Variants in CAPN1 observed in about 807,000 individuals in gnomAD.
CAPN1 encodes the protein calpain-1 catalytic subunit.
In CAPN1, 77 loss-of-function variants were observed where a neutral mutation model predicts 105.2. The observed-to-expected ratio is 0.73, with a 90% confidence interval of 0.61 to 0.88. The LOEUF is 0.88. CAPN1 is among the 40% of genes least tolerant of loss of function. CAPN1 has a pLI of 0.00. For missense variants in CAPN1, 833 were observed against 976.6 expected (o/e 0.85, Z 1.96); for synonymous variants, 355 against 388.8 (o/e 0.91, Z 1.02).
intron 10 of CAPN1, among the ~76,000 whole-genome samples, chr11:65,202,099 A>G (rs2137372792): frequency 6.6e-6 from 1 of 152,302 alleles, no homozygotes; most frequent in East Asian, 1.9e-4. Context: ...TGCTGGGATT[A>G]CAGGCGTGAG....
chr11:65,194,557 G>A (rs1195035499), intron 10 of CAPN1, among the ~76,000 whole-genome samples: 1 of 151,164 alleles, frequency 6.6e-6, no homozygotes, highest in Non-Finnish European at 1.5e-5. Flanking sequence ...CCCCCACCCC[G>A]AAAATCCCGT....
intron 10 of CAPN1, among the ~76,000 whole-genome samples, chr11:65,204,080 C>A (rs185590528): frequency 1.0e-3 from 153 of 152,312 alleles, no homozygotes; most frequent in African/African-American, 3.1e-3. Context: ...TGTCGGACCC[C>A]TGCTTTTTCT....
At position 65,188,837 on chromosome 11, in the gene CAPN1, G is replaced by A; in HGVS notation, c.1165+91G>A. 1 of 1,054,334 alleles carries A rather than the reference G, an allele frequency of 9.5e-7. No homozygotes were observed. The highest frequency in any genetic ancestry group is 1.4e-6 in the Non-Finnish European group (1 of 724,732). 65.3% of individuals were successfully genotyped at this position (1,054,334 alleles called of 1,614,324 possible). ...TTACTGAGCCTCCGTTTCCTCACTT[G>A]CAAGATATAGGCTGATCTCTTGAAT... is the stretch of plus-strand genomic sequence containing the variant. On this transcript the variant is annotated intron_variant, in intron 10 of 21. Transcript: ENST00000279247. The surrounding 1 kb of genome is among the most constrained non-coding windows in gnomAD (Gnocchi z 5.5).
chr11:65,206,533 A>T lies in CAPN1; in HGVS notation c.1424A>T (p.Glu475Val). The change falls in exon 13 of 22, where the codon GAG becomes GTG. Residue 475 changes from glutamate (E) to valine (V), a missense_variant. By Grantham distance (121) the Glu-to-Val change is moderately radical. Transcript: ENST00000279247. ...FLANASRARS[E>V]QFINLREVST... Reference sequence around the variant, plus strand: ...GCCAATGCGTCTCGGGCGCGCTCAGAGCAGTTCATCAACCTGCGAGAGGTC... The same window carrying T: ...GCCAATGCGTCTCGGGCGCGCTCAGTGCAGTTCATCAACCTGCGAGAGGTC... The T allele has an allele frequency of 1.2e-6, 2 of 1,613,414 alleles. No individual in the cohort carries two copies. Among genetic ancestry groups the T allele is most frequent in the African/African-American group, 1.3e-5 (1 of 75,030 alleles).
chr11:65,197,888 G>GAAAAAAAAAAA (rs71049687), intron 10 of CAPN1, among the ~76,000 whole-genome samples: 1 of 83,490 alleles, frequency 1.2e-5, no homozygotes. Flanking sequence ...AACTCTATCT[G>GAAAAAAAAAAA]AAAAAAAAAA....
At chr11:65,184,104 A>G (rs993732040) in intron 4 of CAPN1, among the ~76,000 whole-genome samples, 1 of 152,220 alleles carries the variant, frequency 6.6e-6, no homozygotes, top group Admixed American at 6.5e-5. Flanking sequence ...ACACCAATCA[A>G]TTCTCAATGA....
In CAPN1 at chr11:65,210,284, C is replaced by A; in HGVS notation, c.1943-52C>A. The A allele has an allele frequency of 7.4e-7, 1 of 1,360,380 alleles. No homozygotes were observed. Among genetic ancestry groups the A allele is most frequent in the South Asian group, 1.2e-5 (1 of 83,158 alleles). 84.3% of individuals were successfully genotyped at this position (1,360,380 alleles called of 1,614,324 possible). ...CTGGGGACCCAACCCCTCCCCCATC[C>A]TGTTGGGCAGGGGCTGCGCCTCACT... On this transcript the variant is annotated intron_variant, in intron 19 of 21. Coordinates refer to ENST00000279247, the MANE Select transcript of CAPN1 (RefSeq NM_005186.4). The surrounding 1 kb of genome is among the most constrained non-coding windows in gnomAD (Gnocchi z 4.3).
intron 10 of CAPN1, among the ~76,000 whole-genome samples, chr11:65,201,090 G>A (rs1373435642): frequency 1.3e-5 from 2 of 150,926 alleles, no homozygotes; most frequent in African/African-American, 4.9e-5. Context: ...GACTACAGGT[G>A]CCCACCACCA....
chr11:65,201,809 C>T (rs1251975781), intron 10 of CAPN1, among the ~76,000 whole-genome samples: 7 of 149,890 alleles, frequency 4.7e-5, no homozygotes, highest in African/African-American at 1.7e-4. Flanking sequence ...TGAGCCACCG[C>T]GCCCGGCTTT....
Position 65,206,463 on chromosome 11 carries a change from C to T in CAPN1, c.1354C>T (p.Leu452=), listed in dbSNP as rs763288146. 5 of 1,612,426 alleles carry T rather than the reference C, an allele frequency of 3.1e-6. No homozygotes were observed. The African/African-American group carries it at 5.3e-5, about 17-fold the overall frequency. The change falls in exon 13 of 22, where the codon CTG becomes TTG. Residue 452 remains leucine (L), a splice_region_variant and synonymous_variant. Transcript: ENST00000279247. ...CCTGCTCCCTCCTCCCTCCCACCAG[C>T]TGGTGGGCCAGCCGGCCGTACACTT... ...GFAVYEVPPE[L]VGQPAVHLKR...
At chr11:65,205,265 C>T (rs894560109) in intron 11 of CAPN1, among the ~76,000 whole-genome samples, 1 of 152,150 alleles carries the variant, frequency 6.6e-6, no homozygotes, top group African/African-American at 2.4e-5. Context: ...CTGTGCCAGT[C>T]GCTCTGGGAT....
chr11:65,210,205 C>CATCTT lies in CAPN1; in HGVS notation c.1942+110_1942+114dup, dbSNP rs1297842951. 8.6e-7 allele frequency: 1 copy of CATCTT among 1,158,846 alleles called. No homozygotes were observed. The highest frequency in any genetic ancestry group is 1.8e-5 in the Admixed American group (1 of 55,282). 71.8% of individuals were successfully genotyped at this position (1,158,846 alleles called of 1,614,324 possible). A position where few individuals can be genotyped will look rare whatever the true frequency, so the allele number is the denominator to read the frequency against. ...GTGCTAGTGGTGACATGGTAACAGC[C>CATCTT]ATCTTGTCCTTTTCCCCACGGTTAC... On this transcript the variant is annotated intron_variant, in intron 19 of 21. Transcript: ENST00000279247. This position sits in a 1 kb window ranked among gnomAD's most constrained non-coding sequence, Gnocchi z 4.3.
At chr11:65,203,213 T>C (rs1948898265) in intron 10 of CAPN1, among the ~76,000 whole-genome samples, 1 of 152,076 alleles carries the variant, frequency 6.6e-6, no homozygotes, top group Non-Finnish European at 1.5e-5. Context: ...TTTTTTTAAA[T>C]GGAATCTTGC....
intron 11 of CAPN1, among the ~76,000 whole-genome samples, chr11:65,205,182 G>C (rs976118869): frequency 2.0e-5 from 3 of 152,080 alleles, no homozygotes; most frequent in African/African-American, 7.2e-5. Flanking sequence ...TGAGCCCTCC[G>C]TCTTGGAAGC....
intron 14 of CAPN1, 69 bp from the exon 15 acceptor site, chr11:65,207,986 C>A: frequency 1.7e-6 from 2 of 1,191,910 alleles, no homozygotes; most frequent in Non-Finnish European, 2.4e-6. Context: ...CCTCAGCCCT[C>A]CCTCCAGCTG....
Position 65,190,707 on chromosome 11 carries a change from T to TTG in CAPN1, c.1165+1962_1165+1963insGT, listed in dbSNP as rs1435684824. On this transcript the variant is annotated intron_variant, in intron 10 of 21. Transcript: ENST00000279247. ...TAGCTGTTTTTTTTGTTGTTGGTTT[T>TTG]TTTTGTTTTTGTTTTTGTTTTTTGA... 3.9e-5 allele frequency among the ~76,000 whole-genome samples: 5 copies of TTG among 127,574 alleles called. No homozygotes were observed. In the South Asian group the frequency reaches 7.3e-4, roughly 19 times the overall value. The allele number at this position is 127,574 out of a possible 152,430, so 83.7% of individuals were successfully genotyped here.
At position 65,209,301 on chromosome 11, in the gene CAPN1, T is replaced by C; in HGVS notation, c.1730-22T>C. 5 of 1,609,470 alleles carry C rather than the reference T, an allele frequency of 3.1e-6. No homozygotes were observed. Among genetic ancestry groups the C allele is most frequent in the Non-Finnish European group, 3.4e-6 (4 of 1,176,976 alleles). ...GCAGGAAGCTCACTAGGTGGAGATG[T>C]TGGAATTGGTTTTTCTTGCAGACAA... On this transcript the variant is annotated intron_variant, in intron 16 of 21. Transcript: ENST00000279247. This position sits in a 1 kb window ranked among gnomAD's most constrained non-coding sequence, Gnocchi z 4.1.
At chr11:65,205,575 G>A (rs1948944355) in intron 11 of CAPN1, 135 bp from the exon 12 acceptor site, 3 of 826,420 alleles carry the variant, frequency 3.6e-6, no homozygotes, top group Non-Finnish European at 6.1e-6. Flanking sequence ...CCAGATCTGG[G>A]TCCCCAGGGC....
intron 11 of CAPN1, 111 bp downstream of exon 11, chr11:65,204,969 C>T: frequency 1.1e-6 from 1 of 877,328 alleles, no homozygotes; most frequent in Non-Finnish European, 1.7e-6. Flanking sequence ...CCATGCCCTT[C>T]CCCACAAATT....
Sources: gnomAD v4.1 joint callset for allele counts (sites outside exome capture counted in the v4.1 genomes callset) on GRCh38, gnomAD v4.1.1 for gene constraint, Gnocchi (gnomAD v3.1) non-coding constraint, MANE v1.5 for transcripts, NCBI Gene and HGNC (gene_info 2026-07-23, HGNC 2026-07-21) for gene names.